The following AGPAT3 variants were observed in gnomAD, a reference collection of about 807,000 sequenced individuals.
AGPAT3 encodes 1-acylglycerol-3-phosphate O-acyltransferase 3, also known as 1-acyl-sn-glycerol-3-phosphate acyltransferase gamma.
A neutral mutation model predicts 47.3 loss-of-function variants in AGPAT3; 5 were observed. The observed-to-expected ratio is 0.11, with a 90% CI of 0.06 to 0.22. The LOEUF is 0.22. Ranked by LOEUF, AGPAT3 falls within the 10% of genes least tolerant of loss-of-function variation. The pLI is 1.00. For missense variants in AGPAT3, 315 were observed against 493.0 expected, an observed-to-expected ratio of 0.64 and a Z score of 3.42; for synonymous variants, 212 against 208.3, an observed-to-expected ratio of 1.02 and a Z score of -0.15.
chr21:43,870,439 T>C (rs1185856290), intron 1 of AGPAT3, among the ~76,000 whole-genome samples: 1 of 151,780 alleles, frequency 6.6e-6, no homozygotes, highest in Non-Finnish European at 1.5e-5. Flanking sequence ...GGTCCCCGGG[T>C]GGTGGTTCAC....
At position 43,983,067 on chromosome 21, in the gene AGPAT3, C is replaced by G. The variant is rs1021937823; in HGVS notation, c.*675C>G. 6.6e-6 allele frequency: 1 copy of G among 152,298 alleles called. No individual in the cohort carries two copies. The highest frequency in any genetic ancestry group is 1.5e-5 in the Non-Finnish European group (1 of 68,098). The allele number at this position is 152,298 out of a possible 1,614,324, so 9.4% of individuals were successfully genotyped here. A position where few individuals can be genotyped will look rare whatever the true frequency, so the allele number is the denominator to read the frequency against. On this transcript the variant is annotated 3_prime_UTR_variant, in exon 10 of 10. Transcript: ENST00000291572. Reference sequence around the variant, plus strand: ...TCCTATCTGACCTTGTGTGTAAATACGTACATCTGTTTTTAAAGTGGATGG... The same window carrying G: ...TCCTATCTGACCTTGTGTGTAAATAGGTACATCTGTTTTTAAAGTGGATGG...
chr21:43,974,153 ATTGTGTGTAAATTATGTGTGTG>A (rs2089506964), intron 7 of AGPAT3, among the ~76,000 whole-genome samples: 1 of 151,620 alleles, frequency 6.6e-6, no homozygotes, highest in Non-Finnish European at 1.5e-5. Flanking sequence ...ACGTATGTGC[ATTGTGTGTAAATTATGTGTGTG>A]TTGTATATGG....
chr21:43,888,787 G>A (rs749292732), intron 1 of AGPAT3, among the ~76,000 whole-genome samples: 2 of 152,132 alleles, frequency 1.3e-5, no homozygotes, highest in African/African-American at 4.8e-5. Context: ...TCAGGAGTTC[G>A]AAACCAGCTT....
At chr21:43,960,791 T>C (rs2088795046) in intron 3 of AGPAT3, 1 of 984,186 alleles carries the variant, frequency 1.0e-6, no homozygotes, top group Non-Finnish European at 1.2e-6. Flanking sequence ...TATGCTATGA[T>C]TCATTTTGTG....
At chr21:43,900,160 C>T (rs1250250602) in intron 1 of AGPAT3, among the ~76,000 whole-genome samples, 1 of 152,194 alleles carries the variant, frequency 6.6e-6, no homozygotes, top group African/African-American at 2.4e-5. Flanking sequence ...AAGTCAGGCC[C>T]TCTGCAGCTG....
At chr21:43,947,957 A>G (rs760414965) in intron 2 of AGPAT3, among the ~76,000 whole-genome samples, 11 of 152,208 alleles carry the variant, frequency 7.2e-5, no homozygotes, top group Admixed American at 2.0e-4. Context: ...TGCCCAGCCT[A>G]TGCTGGCTGT....
intron 3 of AGPAT3, among the ~76,000 whole-genome samples, chr21:43,960,408 C>T (rs1200206837): frequency 6.6e-6 from 1 of 152,226 alleles, no homozygotes; most frequent in African/African-American, 2.4e-5. Flanking sequence ...TAACAACACC[C>T]ACTGTGGACA....
At chr21:43,895,136 G>T (rs2086185985) in intron 1 of AGPAT3, among the ~76,000 whole-genome samples, 1 of 149,578 alleles carries the variant, frequency 6.7e-6, no homozygotes, top group Non-Finnish European at 1.5e-5. Context: ...ACAGAGTCTT[G>T]CTCTGTCCCC....
chr21:43,970,164 C>T lies in AGPAT3; in HGVS notation c.511-489C>T, dbSNP rs113102379. 6.1e-3 allele frequency among the ~76,000 whole-genome samples: 929 copies of T among 151,494 alleles called. 9 individuals carry two copies. Among genetic ancestry groups the T allele is most frequent in the African/African-American group, 0.022 (896 of 41,238 alleles). ...CTGGGATTACAGGCACTCACCACCA[C>T]GACTGGCTAATTTTTGTATTTTCAG... On this transcript the variant is annotated intron_variant, in intron 5 of 9. Transcript: ENST00000291572. The surrounding 1 kb of genome is among the most constrained non-coding windows in gnomAD (Gnocchi z 5.8).
At chr21:43,931,342 G>T (rs1285038462) in intron 2 of AGPAT3, among the ~76,000 whole-genome samples, 1 of 152,190 alleles carries the variant, frequency 6.6e-6, no homozygotes, top group Non-Finnish European at 1.5e-5. Context: ...TTTATCTGAA[G>T]AAAGATTTTA....
chr21:43,899,182 C>T (rs893243094), intron 1 of AGPAT3, among the ~76,000 whole-genome samples: 3 of 151,846 alleles, frequency 2.0e-5, no homozygotes, highest in South Asian at 2.1e-4. Context: ...TGTGTTTGTC[C>T]GGAAGCACTA....
intron 3 of AGPAT3, 170 bp from the exon 4 acceptor site, chr21:43,967,776 A>G: frequency 1.5e-6 from 1 of 659,824 alleles, no homozygotes; most frequent in Non-Finnish European, 2.5e-6. Flanking sequence ...TGTTGCTTAG[A>G]GAAAGTTATT....
At chr21:43,869,282 C>G (rs914088352) in intron 1 of AGPAT3, among the ~76,000 whole-genome samples, 5 of 152,178 alleles carry the variant, frequency 3.3e-5, no homozygotes, top group African/African-American at 1.2e-4. Context: ...TTGGGTTAAG[C>G]TTTTCATAGA....
intron 2 of AGPAT3, chr21:43,950,933 A>C (rs1261569319): frequency 6.6e-6 from 1 of 152,268 alleles, no homozygotes; most frequent in East Asian, 1.9e-4. Context: ...AAGTGTGTGC[A>C]GTTTATTTCC....
At chr21:43,921,951 G>A (rs1384773536) in intron 2 of AGPAT3, among the ~76,000 whole-genome samples, 4 of 152,144 alleles carry the variant, frequency 2.6e-5, no homozygotes, top group Non-Finnish European at 4.4e-5. Context: ...ACAGCTCCCC[G>A]GGGGTCACCA....
rs533158039 is a variant in AGPAT3, at chr21:43,953,203, G to C, written c.-48-6431G>C. Among the ~76,000 whole-genome samples, 7 of 152,376 alleles carry C rather than the reference G, an allele frequency of 4.6e-5. No individual in the cohort carries two copies. In the East Asian group the frequency reaches 1.3e-3, roughly 29 times the overall value. Reference sequence around the variant, plus strand: ...GTAGGCGGGGAGCGTCTCGGGGAAAGGGGACAGAGAGACGTGCCATCCAAA... The same window carrying C: ...GTAGGCGGGGAGCGTCTCGGGGAAACGGGACAGAGAGACGTGCCATCCAAA... On this transcript the variant is annotated intron_variant, in intron 2 of 9. Coordinates refer to ENST00000291572, the MANE Select transcript of AGPAT3 (RefSeq NM_020132.5).
intron 1 of AGPAT3, among the ~76,000 whole-genome samples, chr21:43,886,869 C>T (rs2085990451): frequency 6.6e-6 from 1 of 152,170 alleles, no homozygotes; most frequent in Non-Finnish European, 1.5e-5. Flanking sequence ...TGGGTTGCCT[C>T]CAAATCTTGG....
intron 1 of AGPAT3, among the ~76,000 whole-genome samples, chr21:43,890,951 C>T (rs1428097965): frequency 3.3e-5 from 5 of 151,858 alleles, no homozygotes; most frequent in African/African-American, 1.2e-4. Flanking sequence ...TTGGACAGGC[C>T]AATCTCGAAC....
chr21:43,972,040 G>C (rs1225798805), intron 7 of AGPAT3, among the ~76,000 whole-genome samples: 3 of 152,240 alleles, frequency 2.0e-5, no homozygotes, highest in Non-Finnish European at 2.9e-5. Context: ...AAGCAGCGCT[G>C]GTGATGGGAG....
Sources: gnomAD v4.1 joint callset for allele counts (sites outside exome capture counted in the v4.1 genomes callset) on GRCh38, gnomAD v4.1.1 for gene constraint, Gnocchi (gnomAD v3.1) non-coding constraint, MANE v1.5 for transcripts, NCBI Gene and HGNC (gene_info 2026-07-23, HGNC 2026-07-21) for gene names.